HUWE1: variants seen among roughly 807,000 people sequenced by gnomAD.
HUWE1 encodes E3 ubiquitin-protein ligase HUWE1.
A neutral mutation model predicts 299.4 loss-of-function variants in HUWE1; 18 were observed. The ratio of observed to expected loss-of-function variants is 0.06; its 90% CI spans 0.04 to 0.09. The LOEUF is 0.09. Ranked by LOEUF, HUWE1 falls within the 10% of genes least tolerant of loss-of-function variation. The pLI is 1.00. For synonymous variants in HUWE1, 1,317 were observed against 1,286.1 expected (o/e 1.02, Z -0.51); for missense variants, 1,832 against 3,462.3 (o/e 0.53, Z 11.82).
intron 3 of HUWE1, among the ~76,000 whole-genome samples, chrX:53,673,613 T>C (rs1557050159): frequency 8.9e-6 from 1 of 111,910 alleles, no homozygotes; most frequent in Non-Finnish European, 1.9e-5. Context: ...ATTCTGCTCA[T>C]GAAACAAAGT....
intron 4 of HUWE1, among the ~76,000 whole-genome samples, chrX:53,653,205 T>G (rs2068573427): frequency 8.9e-6 from 1 of 112,540 alleles, no homozygotes; most frequent in South Asian, 3.7e-4. Context: ...ATTGTTATCT[T>G]TTGGTGATAC....
At chrX:53,612,386 T>C (rs1557003287) in intron 23 of HUWE1, among the ~76,000 whole-genome samples, 1 of 112,127 alleles carries the variant, frequency 8.9e-6, no homozygotes, top group African/African-American at 3.2e-5. Context: ...ACTATCACTG[T>C]GGTAGAATAT....
Position 53,592,567 on chromosome X carries a change from C to T in HUWE1, c.3803G>A (p.Arg1268Gln). The T allele has an allele frequency of 3.3e-6, 4 of 1,211,283 alleles. No homozygotes were observed. The highest frequency in any genetic ancestry group is 4.5e-6 in the Non-Finnish European group (4 of 895,131). ...AATGGCCAGCATCGATTCAGCCATT[C>T]GTCCACCATATACCTTCAGGGGTTT... is the stretch of plus-strand genomic sequence containing the variant. ...NRKPLKVYGG[R>Q]MAESMLAILC... Residue 1268 changes from arginine to glutamine, a missense_variant, in exon 33 of 84, where the codon CGA (arginine) becomes CAA (glutamine). Arg to Gln is a conservative substitution (Grantham distance 43). Around this residue, in one of 15 missense-constraint regions of HUWE1, gnomAD observed 658 missense variants for 1,282.6 expected, o/e 0.51. Transcript: ENST00000262854.
At chrX:53,583,254 G>A (rs912602749) in intron 42 of HUWE1, among the ~76,000 whole-genome samples, 2 of 107,716 alleles carry the variant, frequency 1.9e-5, no homozygotes, top group East Asian at 5.8e-4. Context: ...TTGGGGGAAG[G>A]TATCCCAGTT....
At chrX:53,653,341 TTTTGCAGCTGTGGAAA>T (rs1468447988) in intron 4 of HUWE1, among the ~76,000 whole-genome samples, 1 of 111,636 alleles carries the variant, frequency 9.0e-6, no homozygotes, top group Admixed American at 9.5e-5. Flanking sequence ...TTCAGCCCCA[TTTTGCAGCTGTGGAAA>T]CCAGGCAAGT....
In HUWE1 at chrX:53,534,049, C is replaced by T. The variant is rs1290768701; in HGVS notation, c.12980G>A (p.Arg4327Gln). Reference sequence around the variant, plus strand: ...CAGGCGATCTGTGGACCTGTCATCTCGATGGATCTGAAACTTCTGAATGCC... The same window carrying T: ...CAGGCGATCTGTGGACCTGTCATCTTGATGGATCTGAAACTTCTGAATGCC... ...MNGIQKFQIH[R>Q]DDRSTDRLPS... The change falls in exon 83 of 84, where the codon CGA (arginine) becomes CAA (glutamine). Residue 4327 changes from arginine (R) to glutamine (Q), a missense_variant. Physicochemically the swap from Arg to Gln is conservative, Grantham distance 43. Transcript: ENST00000262854. The T allele has an allele frequency of 3.3e-6, 4 of 1,209,697 alleles. No individual in the cohort carries two copies. The highest frequency in any genetic ancestry group is 1.8e-5 in the South Asian group (1 of 56,779).
intron 54 of HUWE1, 74 bp downstream of exon 54, chrX:53,562,037 C>T: frequency 8.3e-7 from 1 of 1,211,292 alleles, no homozygotes; most frequent in South Asian, 1.8e-5. Context: ...GCAACCCAGA[C>T]TGTTGGTTTT....
At chrX:53,662,822 C>T (rs1223471139) in intron 3 of HUWE1, among the ~76,000 whole-genome samples, 2 of 111,520 alleles carry the variant, frequency 1.8e-5, no homozygotes, top group African/African-American at 6.5e-5. Flanking sequence ...AAGAAGGGGC[C>T]GGGTACAATG....
At chrX:53,578,081 G>A (rs1190864544) in intron 43 of HUWE1, among the ~76,000 whole-genome samples, 2 of 107,251 alleles carry the variant, frequency 1.9e-5, no homozygotes, top group Non-Finnish European at 3.9e-5. Context: ...AGGGAGGAGC[G>A]CCTCTTCCCC....
At chrX:53,615,886 G>T in intron 21 of HUWE1, 51 bp from the exon 22 acceptor site, 2 of 905,420 alleles carry the variant, frequency 2.2e-6, no homozygotes, top group Non-Finnish European at 3.2e-6. Flanking sequence ...AGAAAATAGA[G>T]CTTGGGCTCT....
intron 36 of HUWE1, among the ~76,000 whole-genome samples, chrX:53,589,135 A>G (rs1180777241): frequency 8.9e-6 from 1 of 111,933 alleles, no homozygotes; most frequent in Non-Finnish European, 1.9e-5. Context: ...TTCTTATCCC[A>G]CTTCTATAAT....
At chrX:53,560,448 CA>C in intron 55 of HUWE1, 32 bp from the exon 56 acceptor site, 1 of 1,151,271 alleles carries the variant, frequency 8.7e-7, no homozygotes. Flanking sequence ...GGGTCAGTGT[CA>C]AAAAGAAATT....
Position 53,576,984 on chromosome X carries a change from G to A in HUWE1, c.5800C>T (p.Pro1934Ser). The change falls in exon 44 of 84, where the codon CCT (proline) becomes TCT (serine). Residue 1934 changes from proline (P) to serine (S), a missense_variant. Pro to Ser is a moderately conservative substitution (Grantham distance 74). Transcript: ENST00000262854. ...ATAGTATCAGGGATGACAGGCAGAG[G>A]TGAGGGCTTCAAAGGGGTGGTCTTC... ...LVKTTPLKPS[P>S]LPVIPDTIKE... The A allele has an allele frequency of 8.3e-7, 1 of 1,203,770 alleles. No individual in the cohort carries two copies. Among genetic ancestry groups the A allele is most frequent in the Non-Finnish European group, 1.1e-6 (1 of 888,280 alleles).
chrX:53,583,835 T>C lies in HUWE1; in HGVS notation c.5243A>G (p.Gln1748Arg). 1 of 1,209,046 alleles carries C rather than the reference T, an allele frequency of 8.3e-7. No homozygotes were observed. The highest frequency in any genetic ancestry group is 1.7e-5 in the African/African-American group (1 of 57,739). Residue 1748 changes from glutamine (Q) to arginine (R), a missense_variant, in exon 42 of 84, where the codon CAG (glutamine) becomes CGG (arginine). Physicochemically the swap from Gln to Arg is conservative, Grantham distance 43. Transcript: ENST00000262854. ...EETKIGEILIQGLTEDMVTVL... is the reference protein window; with the variant it reads ...EETKIGEILIRGLTEDMVTVL... ...AGTCACCATATCTTCTGTCAAGCCC[T>C]GGATCAGGATCTCCCCGATTTTTGT... is the stretch of plus-strand genomic sequence containing the variant.
chrX:53,550,672 T>C lies in HUWE1; in HGVS notation c.9482A>G (p.His3161Arg). 8.3e-7 allele frequency: 1 copy of C among 1,208,061 alleles called. No homozygotes were observed. Among genetic ancestry groups the C allele is most frequent in the Non-Finnish European group, 1.1e-6 (1 of 892,455 alleles). ...TAAAAATAGACAAAGGTACCTGTTATGGCTGCTGCTACCCCCCATCTGGAA... is the reference window on the plus strand; with the variant it reads ...TAAAAATAGACAAAGGTACCTGTTACGGCTGCTGCTACCCCCCATCTGGAA... ...GTFQMGGSSS[H>R]NRPSGSNVDT... Residue 3161 changes from histidine to arginine, a missense_variant, in exon 66 of 84, where the codon CAT becomes CGT. By Grantham distance (29) the His-to-Arg change is conservative. Transcript: ENST00000262854.
At chrX:53,583,465 C>T (rs1556969902) in intron 42 of HUWE1, 93 bp downstream of exon 42, 2 of 661,662 alleles carry the variant, frequency 3.0e-6, no homozygotes, top group Non-Finnish European at 5.0e-6. Flanking sequence ...GCTATATACC[C>T]TAAGAAGAAC....
At chrX:53,641,309 G>C (rs782299902) in intron 7 of HUWE1, among the ~76,000 whole-genome samples, 1 of 111,788 alleles carries the variant, frequency 8.9e-6, no homozygotes, top group South Asian at 3.7e-4. Flanking sequence ...ATAGCTTTAT[G>C]ATATTATCTG....
chrX:53,535,118 A>G (rs2060964325), intron 81 of HUWE1, among the ~76,000 whole-genome samples: 1 of 110,940 alleles, frequency 9.0e-6, no homozygotes, highest in Admixed American at 9.6e-5. Context: ...TTATTTTAGT[A>G]GAGACGGGGT....
intron 7 of HUWE1, among the ~76,000 whole-genome samples, chrX:53,635,600 G>A (rs2067157044): frequency 8.9e-6 from 1 of 111,923 alleles, no homozygotes; most frequent in African/African-American, 3.2e-5. Flanking sequence ...TTACAGCTGT[G>A]AGCCACCTTG....
Sources: allele counts gnomAD v4.1 joint callset (sites outside exome capture counted in the v4.1 genomes callset), GRCh38; gene constraint gnomAD v4.1.1; regional missense constraint gnomAD v4.1.1; transcripts MANE v1.5; gene names NCBI Gene and HGNC (gene_info 2026-07-23, HGNC 2026-07-21).